The following AKR1E2 variants were observed in gnomAD, a reference collection of about 807,000 sequenced individuals.
The protein encoded by AKR1E2 is aldo-keto reductase family 1 member E2.
In AKR1E2, 43 loss-of-function variants were observed where a neutral mutation model predicts 41.9. The ratio of observed to expected loss-of-function variants is 1.03; its 90% CI spans 0.80 to 1.32. AKR1E2 has a LOEUF of 1.32. AKR1E2 is among the 40% of genes most tolerant of loss of function. AKR1E2 has a pLI of 0.00. For missense variants in AKR1E2, 423 were observed against 396.5 expected, an observed-to-expected ratio of 1.07 and a Z score of -0.57; for synonymous variants, 121 against 138.9, an observed-to-expected ratio of 0.87 and a Z score of 0.91.
At chr10:4,841,985 A>C (rs1588471857) in intron 7 of AKR1E2, 128 bp downstream of exon 7, 1 of 725,318 alleles carries the variant, frequency 1.4e-6, no homozygotes. Flanking sequence ...ACTCATTAGA[A>C]CCTCCCAGCG....
At chr10:4,834,780 A>G (rs1462713790) in intron 3 of AKR1E2, among the ~76,000 whole-genome samples, 1 of 152,210 alleles carries the variant, frequency 6.6e-6, no homozygotes, top group African/African-American at 2.4e-5. Context: ...AGAAAAGGAA[A>G]AGGTCTCAGA....
At chr10:4,831,869 G>A (rs931689221) in intron 2 of AKR1E2, among the ~76,000 whole-genome samples, 3 of 152,140 alleles carry the variant, frequency 2.0e-5, no homozygotes, top group African/African-American at 7.2e-5. Flanking sequence ...AGTGCAACTT[G>A]TGTTGTATAT....
rs1026464005 is a variant in AKR1E2 at position 4,827,287 on chromosome 10, A to G, written c.39+924A>G. On this transcript the variant is annotated intron_variant, in intron 1 of 9. Transcript: ENST00000298375. ...TTAAATCAAGCTAATTAACATATCT[A>G]TCACCTCTCTCAGTTATTATTGTTT... Among the ~76,000 whole-genome samples, 18 of 151,636 alleles carry G rather than the reference A, an allele frequency of 1.2e-4. No homozygotes were observed. In the South Asian group the frequency reaches 3.1e-3, roughly 26 times the overall value.
At chr10:4,848,765 A>C (rs950637690), downstream of AKR1E2, among the ~76,000 whole-genome samples, 4 of 152,206 alleles carry the variant, frequency 2.6e-5, no homozygotes, top group African/African-American at 9.6e-5. Context: ...CAAGCAGGCC[A>C]GCTGAGTCAG....
the AKR1E2 span, among the ~76,000 whole-genome samples, chr10:4,861,372 C>CTTCTTT: frequency 1.3e-5 from 2 of 151,964 alleles, no homozygotes; most frequent in African/African-American, 2.4e-5. Flanking sequence ...ATGTCTTCTT[C>CTTCTTT]TTCTTTTTCT....
chr10:4,846,921 C>A (rs1834377921), intron 8 of AKR1E2, among the ~76,000 whole-genome samples: 1 of 152,174 alleles, frequency 6.6e-6, no homozygotes, highest in Non-Finnish European at 1.5e-5. Flanking sequence ...CTGTCCAAGG[C>A]TTCCTAAATG....
intron 2 of AKR1E2, among the ~76,000 whole-genome samples, 167 bp downstream of exon 2, chr10:4,831,009 G>C (rs1832928586): frequency 6.6e-6 from 1 of 152,164 alleles, no homozygotes; most frequent in Non-Finnish European, 1.5e-5. Flanking sequence ...GTGCAGGTTT[G>C]TTTCATATTA....
At chr10:4,845,102 G>A (rs1000411800) in intron 8 of AKR1E2, among the ~76,000 whole-genome samples, 27 of 152,178 alleles carry the variant, frequency 1.8e-4, no homozygotes, top group African/African-American at 2.4e-5. Flanking sequence ...GGAGCGCAGC[G>A]CCGGTGGGCC....
intron 8 of AKR1E2, 32 bp from the exon 9 acceptor site, chr10:4,847,114 TAA>T (rs1313235427): frequency 6.2e-7 from 1 of 1,613,274 alleles, no homozygotes; most frequent in Non-Finnish European, 8.5e-7. Flanking sequence ...TGAATTAAAC[TAA>T]GTTTTCTACA....
chr10:4,855,700 G>A, the AKR1E2 span, among the ~76,000 whole-genome samples: 1 of 152,276 alleles, frequency 6.6e-6, no homozygotes, highest in South Asian at 2.1e-4. Context: ...CAAACATTTT[G>A]TCAGAAAAAT....
At position 4,839,734 on chromosome 10, in the gene AKR1E2, G is replaced by C; in HGVS notation, c.588G>C (p.Glu196Asp). ...LRFKPLTNQI[E>D]CHPYLTQKNL... ...AAGCTATGATTCTGTTATAGATTGA[G>C]TGCCACCCATATCTTACTCAGAAGA... Residue 196 changes from glutamate (E) to aspartate (D), a missense_variant, in exon 6 of 10, where the codon GAG becomes GAC. Physicochemically the swap from Glu to Asp is conservative, Grantham distance 45. Coordinates refer to ENST00000298375, the MANE Select transcript of AKR1E2 (RefSeq NM_001040177.3). 6.2e-7 allele frequency: 1 copy of C among 1,613,608 alleles called. No homozygotes were observed. Among genetic ancestry groups the C allele is most frequent in the African/African-American group, 1.3e-5 (1 of 75,022 alleles).
the AKR1E2 span, among the ~76,000 whole-genome samples, chr10:4,873,132 G>A: frequency 6.6e-6 from 1 of 152,068 alleles, no homozygotes; most frequent in African/African-American, 2.4e-5. Context: ...TATGAGGGTG[G>A]GTTTTTCCTG....
upstream of AKR1E2, chr10:4,825,131 T>C (rs1343342695): frequency 5.1e-6 from 2 of 389,784 alleles, no homozygotes; most frequent in Non-Finnish European, 1.1e-5. Context: ...AGGAGATGGA[T>C]GCTCACAGGA....
At chr10:4,860,147 T>TC in the AKR1E2 span, among the ~76,000 whole-genome samples, 1 of 152,128 alleles carries the variant, frequency 6.6e-6, no homozygotes, top group Non-Finnish European at 1.5e-5. Context: ...GCCTACACTA[T>TC]CCCCCCATGT....
chr10:4,852,630 G>A (rs1206981090), downstream of AKR1E2, among the ~76,000 whole-genome samples: 1 of 152,180 alleles, frequency 6.6e-6, no homozygotes, highest in Non-Finnish European at 1.5e-5. Context: ...GGTGTCTAAT[G>A]AATTTACGCT....
the AKR1E2 span, among the ~76,000 whole-genome samples, chr10:4,863,787 C>T: frequency 9.9e-5 from 15 of 152,046 alleles, no homozygotes; most frequent in South Asian, 6.2e-4. Context: ...ATATCACCAC[C>T]GATCCCACAG....
downstream of AKR1E2, among the ~76,000 whole-genome samples, chr10:4,851,711 T>A (rs1834529934): frequency 6.6e-6 from 1 of 152,112 alleles, no homozygotes; most frequent in African/African-American, 2.4e-5. Flanking sequence ...ATAAATGAAA[T>A]AACCAAGGAA....
At position 4,841,787 on chromosome 10, in the gene AKR1E2, A is replaced by C. The variant is rs777092206; in HGVS notation, c.683A>C (p.Glu228Ala). The change falls in exon 7 of 10, where the codon GAG becomes GCG. Residue 228 changes from glutamate (E) to alanine (A), a missense_variant and splice_region_variant. Glu to Ala is a moderately radical substitution (Grantham distance 107). Transcript: ENST00000298375. ...TCCCCTGTACTGTGTCTCTCTAGTG[A>C]GGGGGTTGACCTGATAGACAACCCT... Reference protein sequence around the residue: ...TAYRPLGGSCEGVDLIDNPVI... With the variant: ...TAYRPLGGSCAGVDLIDNPVI... 6.2e-7 allele frequency: 1 copy of C among 1,611,422 alleles called. No individual in the cohort carries two copies. The highest frequency in any genetic ancestry group is 1.7e-4 in the Middle Eastern group (1 of 6,052).
chr10:4,847,235 A>G lies in AKR1E2; in HGVS notation c.920+5A>G, dbSNP rs757809177. 35 of 1,613,938 alleles carry G rather than the reference A, an allele frequency of 2.2e-5. No homozygotes were observed. The South Asian group carries it at 3.4e-4, about 16-fold the overall frequency. On this transcript the variant is annotated splice_donor_5th_base_variant and intron_variant, in intron 9 of 9. Coordinates refer to ENST00000298375, the MANE Select transcript of AKR1E2 (RefSeq NM_001040177.3). ...CCGACTGGCCATGTTCCCCATGTAA[A>G]TATGGCTCCTTCTTTTTAAAACAGA...
Sources: gnomAD v4.1 joint callset for allele counts (sites outside exome capture counted in the v4.1 genomes callset) on GRCh38, gnomAD v4.1.1 for gene constraint, MANE v1.5 for transcripts, NCBI Gene and HGNC (gene_info 2026-07-23, HGNC 2026-07-21) for gene names.